The following SPATA22 variants were observed in gnomAD, a reference collection of about 807,000 sequenced individuals.
SPATA22 encodes the protein spermatogenesis associated 22, also known as spermatogenesis-associated protein 22.
In SPATA22, 29 loss-of-function variants were observed where a neutral mutation model predicts 47.8. That is an observed-to-expected ratio of 0.61 (90% confidence interval 0.45 to 0.83). SPATA22 has a LOEUF of 0.83. SPATA22 is among the 40% of genes least tolerant of loss of function. SPATA22 has a pLI of 0.00. For missense variants in SPATA22, 410 were observed against 421.7 expected (o/e 0.97, Z 0.24); for synonymous variants, 133 against 140.9 (o/e 0.94, Z 0.40).
intron 1 of SPATA22, among the ~76,000 whole-genome samples, chr17:3,471,086 C>T (rs1318513110): frequency 2.7e-5 from 4 of 150,804 alleles, no homozygotes; most frequent in African/African-American, 7.3e-5. Flanking sequence ...ACCCGGGAGG[C>T]GGAGGTTGCA....
intron 5 of SPATA22, among the ~76,000 whole-genome samples, chr17:3,461,032 G>T (rs1299850296): frequency 6.6e-6 from 1 of 152,130 alleles, no homozygotes; most frequent in African/African-American, 2.4e-5. Flanking sequence ...GTATCTATAA[G>T]AATAGGAGTG....
intron 5 of SPATA22, among the ~76,000 whole-genome samples, chr17:3,461,811 G>A (rs1343189133): frequency 6.6e-6 from 1 of 152,090 alleles, no homozygotes; most frequent in Non-Finnish European, 1.5e-5. Context: ...GACTGATTTG[G>A]TGTTGTTTTC....
intron 1 of SPATA22, among the ~76,000 whole-genome samples, chr17:3,480,311 TTTA>T (rs1416983355): frequency 1.3e-5 from 2 of 152,236 alleles, no homozygotes; most frequent in Non-Finnish European, 2.9e-5. Context: ...AGGCCAGAGT[TTTA>T]TTATTACTCA....
At chr17:3,475,207 A>G (rs976396890), upstream of SPATA22, among the ~76,000 whole-genome samples, 2 of 152,164 alleles carry the variant, frequency 1.3e-5, no homozygotes, top group South Asian at 2.1e-4. Flanking sequence ...CTCCAAAGGG[A>G]TGTAATCATC....
chr17:3,484,913 C>T (rs2073693221), intron 1 of SPATA22, among the ~76,000 whole-genome samples: 1 of 152,182 alleles, frequency 6.6e-6, no homozygotes, highest in African/African-American at 2.4e-5. Context: ...CTCTCTGTTC[C>T]CTATCCCCTT....
rs1031929653 is a variant in SPATA22, at chr17:3,490,293, T to G, written c.-73-20895A>C. Among the ~76,000 whole-genome samples, 4 of 152,200 alleles carry G rather than the reference T, an allele frequency of 2.6e-5. No homozygotes were observed. Among genetic ancestry groups the G allele is most frequent in the Non-Finnish European group, 5.9e-5 (4 of 68,034 alleles). On this transcript the variant is annotated intron_variant, in intron 1 of 8. Transcript: ENST00000541913. This position sits in a 1 kb window ranked among gnomAD's most constrained non-coding sequence, Gnocchi z 4.6. ...GGGACTGGTGGACAAGGTGGGTATATGCAGCTCTATGCACTATCTGCTCAT... is the reference window on the plus strand; with the variant it reads ...GGGACTGGTGGACAAGGTGGGTATAGGCAGCTCTATGCACTATCTGCTCAT...
At position 3,446,502 on chromosome 17, in the gene SPATA22, G is replaced by A; in HGVS notation, c.772C>T (p.Gln258Ter). Residue 258 changes from glutamine (Q) to a stop codon, truncating the protein, a stop_gained, in exon 7 of 9, where the codon CAG (glutamine) becomes TAG (stop). Transcript: ENST00000572969. LOFTEE classifies it high-confidence loss of function. Reference sequence around the variant, plus strand: ...ACTTCAAAAAGAAGTACAGTTTTCTGTGCATGTTCACGCCAATACTTCATG... The same window carrying A: ...ACTTCAAAAAGAAGTACAGTTTTCTATGCATGTTCACGCCAATACTTCATG... ...ESMKYWREHA[Q>*]KTVLLFEVLA... The A allele has an allele frequency of 6.2e-7, 1 of 1,607,030 alleles. No homozygotes were observed. Among genetic ancestry groups the A allele is most frequent in the Non-Finnish European group, 8.5e-7 (1 of 1,177,716 alleles).
rs1194701106 is a variant in SPATA22, at chr17:3,490,567, G to A, written c.-73-21169C>T. 1.3e-5 allele frequency among the ~76,000 whole-genome samples: 2 copies of A among 152,050 alleles called. No individual in the cohort carries two copies. Among genetic ancestry groups the A allele is most frequent in the Non-Finnish European group, 2.9e-5 (2 of 68,022 alleles). On this transcript the variant is annotated intron_variant, in intron 1 of 8. Transcript: ENST00000541913. The surrounding 1 kb of genome is among the most constrained non-coding windows in gnomAD (Gnocchi z 4.6). ...CACCCCACTGCAATCACAGACATTC[G>A]TTTTGTGCTTGGGAATCCTTTGACT...
chr17:3,490,904 A>C lies in SPATA22; in HGVS notation c.-73-21506T>G, dbSNP rs1467624984. 6.6e-6 allele frequency among the ~76,000 whole-genome samples: 1 copy of C among 152,206 alleles called. No homozygotes were observed. Among genetic ancestry groups the C allele is most frequent in the Non-Finnish European group, 1.5e-5 (1 of 68,042 alleles). ...GCTTCAACCAGAGCTCTTCTGTGTA[A>C]CATTTCATTTAAGCAAAGGATTCGG... On this transcript the variant is annotated intron_variant, in intron 1 of 8. Transcript: ENST00000541913. The surrounding 1 kb of genome is among the most constrained non-coding windows in gnomAD (Gnocchi z 4.6).
intron 6 of SPATA22, among the ~76,000 whole-genome samples, chr17:3,447,040 C>A (rs553231995): frequency 6.6e-6 from 1 of 152,126 alleles, no homozygotes; most frequent in Admixed American, 6.6e-5. Context: ...AGGAAAAATT[C>A]ATGGACAAAA....
chr17:3,466,466 G>A (rs2073317244), intron 3 of SPATA22, among the ~76,000 whole-genome samples: 1 of 152,098 alleles, frequency 6.6e-6, no homozygotes, highest in Non-Finnish European at 1.5e-5. Flanking sequence ...TTACTTAAAA[G>A]ATGAGCTGAA....
chr17:3,512,000 T>C (rs1295653953), intron 1 of SPATA22: 1 of 152,194 alleles, frequency 6.6e-6, no homozygotes, highest in Non-Finnish European at 1.5e-5. Context: ...GAATGCTGAT[T>C]TGTACAATCT....
At chr17:3,453,657 C>A (rs1184687401) in intron 5 of SPATA22, among the ~76,000 whole-genome samples, 1 of 151,994 alleles carries the variant, frequency 6.6e-6, no homozygotes, top group African/African-American at 2.4e-5. Context: ...ATCTGAAAAT[C>A]CAAAACTCGA....
rs748258051 is a variant in SPATA22 at position 3,449,180 on chromosome 17, T to A, written c.330-31A>T. Reference sequence around the variant, plus strand: ...ATAGTGCAAAAAAAAAGCATTTGTTTCTATATGGTTTCTTAATTACAAAAA... The same window carrying A: ...ATAGTGCAAAAAAAAAGCATTTGTTACTATATGGTTTCTTAATTACAAAAA... On this transcript the variant is annotated intron_variant, in intron 5 of 8. Transcript: ENST00000572969. 4 of 1,448,008 alleles carry A rather than the reference T, an allele frequency of 2.8e-6. No individual in the cohort carries two copies. In the African/African-American group the frequency reaches 5.7e-5, roughly 21 times the overall value. The allele number at this position is 1,448,008 out of a possible 1,614,324, so 89.7% of individuals were successfully genotyped here.
At chr17:3,444,671 A>G (rs1567591671) in intron 7 of SPATA22, among the ~76,000 whole-genome samples, 1 of 152,044 alleles carries the variant, frequency 6.6e-6, no homozygotes, top group Non-Finnish European at 1.5e-5. Context: ...AAACCTAGCC[A>G]CTTTTCAGTT....
intron 5 of SPATA22, among the ~76,000 whole-genome samples, chr17:3,452,662 T>C (rs2072890112): frequency 6.6e-6 from 1 of 150,732 alleles, no homozygotes; most frequent in South Asian, 2.1e-4. Context: ...TTACATAGAC[T>C]AAAAAAAGAA....
intron 5 of SPATA22, among the ~76,000 whole-genome samples, 190 bp downstream of exon 5, chr17:3,462,291 TAA>T (rs1364520111): frequency 6.6e-6 from 1 of 152,258 alleles, no homozygotes. Flanking sequence ...ACATATTTTT[TAA>T]GTTTTACATG....
chr17:3,460,045 G>A (rs908381170), intron 5 of SPATA22, among the ~76,000 whole-genome samples: 4 of 152,168 alleles, frequency 2.6e-5, no homozygotes, highest in African/African-American at 9.7e-5. Flanking sequence ...GTGAATCAGA[G>A]CAATAGGCAT....
intron 1 of SPATA22, among the ~76,000 whole-genome samples, chr17:3,496,556 A>C (rs2073909943): frequency 6.6e-6 from 1 of 152,120 alleles, no homozygotes; most frequent in African/African-American, 2.4e-5. Context: ...ATCCCTGGAG[A>C]GGAGGAGTGA....
Sources: gnomAD v4.1 joint callset for allele counts (sites outside exome capture counted in the v4.1 genomes callset) on GRCh38, gnomAD v4.1.1 for gene constraint, Gnocchi (gnomAD v3.1) non-coding constraint, MANE v1.5 for transcripts, NCBI Gene and HGNC (gene_info 2026-07-23, HGNC 2026-07-21) for gene names.